The following LRRTM4 variants were observed in gnomAD, a reference collection of about 807,000 sequenced individuals.
LRRTM4 encodes leucine rich repeat transmembrane neuronal 4.
A neutral mutation model predicts 47.6 loss-of-function variants in LRRTM4; 25 were observed. The ratio of observed to expected loss-of-function variants is 0.53; its 90% CI spans 0.38 to 0.73. The LOEUF (loss-of-function observed/expected upper bound fraction) is 0.73. Among genes scored for constraint, LRRTM4 ranks in the 30% least tolerant of loss-of-function variants. The pLI is 0.00. For synonymous variants in LRRTM4, 311 were observed against 269.5 expected, an observed-to-expected ratio of 1.15 and a Z score of -1.51; for missense variants, 638 against 713.4, an observed-to-expected ratio of 0.89 and a Z score of 1.20.
At chr2:77,497,916 A>G (rs1370611452) in intron 3 of LRRTM4, among the ~76,000 whole-genome samples, 1 of 151,660 alleles carries the variant, frequency 6.6e-6, no homozygotes, top group Non-Finnish European at 1.5e-5. Flanking sequence ...AATGTCCTAT[A>G]CTATGTGATG....
intron 3 of LRRTM4, among the ~76,000 whole-genome samples, chr2:77,488,793 C>G (rs1678025883): frequency 6.6e-6 from 1 of 151,932 alleles, no homozygotes; most frequent in African/African-American, 2.4e-5. Context: ...TCTGGTACTA[C>G]AAAGAGTCTC....
chr2:77,078,344 T>A (rs933290968), intron 3 of LRRTM4, among the ~76,000 whole-genome samples: 1 of 150,758 alleles, frequency 6.6e-6, no homozygotes, highest in East Asian at 2.0e-4. Flanking sequence ...AAGATAATTT[T>A]ATTGAAAAAA....
chr2:77,407,473 G>A (rs1184441680), intron 3 of LRRTM4, among the ~76,000 whole-genome samples: 1 of 150,436 alleles, frequency 6.6e-6, no homozygotes, highest in African/African-American at 2.4e-5. Flanking sequence ...TGTTTAATTT[G>A]GGGCTTATTT....
rs187688293 is a variant in LRRTM4, at chr2:77,494,672, C to T, written c.1551+23646G>A. Among the ~76,000 whole-genome samples the T allele has an allele frequency of 4.1e-3, 628 of 152,006 alleles. 7 individuals are homozygous for T. The highest frequency in any genetic ancestry group is 0.014 in the African/African-American group (599 of 41,452). On this transcript the variant is annotated intron_variant, in intron 3 of 3. Coordinates refer to ENST00000409884, the MANE Select transcript of LRRTM4 (RefSeq NM_001134745.3). The stretch of plus-strand genomic sequence containing the variant: ...ATTATAATTGATGTAGAATATACTA[C>T]GCATTTTAAACAATATATAATTTAA...
intron 3 of LRRTM4, among the ~76,000 whole-genome samples, chr2:77,367,867 C>T (rs1254486467): frequency 6.6e-6 from 1 of 151,790 alleles, no homozygotes; most frequent in Non-Finnish European, 1.5e-5. Flanking sequence ...GATTCTGTAG[C>T]TGCACTGTTC....
In LRRTM4 at chr2:76,844,024, C is replaced by T. The variant is rs528244139; in HGVS notation, c.1552-95108G>A. Among the ~76,000 whole-genome samples, 9 of 151,540 alleles carry T rather than the reference C, an allele frequency of 5.9e-5. No individual in the cohort carries two copies. The East Asian group carries it at 1.8e-3, about 30-fold the overall frequency. On this transcript the variant is annotated intron_variant, in intron 3 of 3. Transcript: ENST00000409884. Reference sequence around the variant, plus strand: ...TCACACCATTCTCCTGCCTCAGCCTCCCGATTAGCTGGAACTACAGGCGCC... The same window carrying T: ...TCACACCATTCTCCTGCCTCAGCCTTCCGATTAGCTGGAACTACAGGCGCC...
chr2:76,946,166 G>A (rs539524162), intron 3 of LRRTM4, among the ~76,000 whole-genome samples: 2 of 152,022 alleles, frequency 1.3e-5, no homozygotes, highest in South Asian at 2.1e-4. Context: ...CTTCTGCAGA[G>A]TAAGTATTTC....
At chr2:76,963,195 C>G (rs1403874787) in intron 3 of LRRTM4, among the ~76,000 whole-genome samples, 3 of 150,630 alleles carry the variant, frequency 2.0e-5, no homozygotes, top group East Asian at 3.9e-4. Context: ...CCTGAAAGAG[C>G]AATGATTACT....
At position 77,286,480 on chromosome 2, in the gene LRRTM4, CTAAA is replaced by C. The variant is rs1182267644; in HGVS notation, c.1551+231834_1551+231837del. ...AACTAGCCTAGCTGATTAAAATATACTAAATGTTAACTAACATTTTGGCCTTTAA... is the reference window on the plus strand; with the variant it reads ...AACTAGCCTAGCTGATTAAAATATACTGTTAACTAACATTTTGGCCTTTAA... On this transcript the variant is annotated intron_variant, in intron 3 of 3. Transcript: ENST00000409884. Among the ~76,000 whole-genome samples, 4 of 151,606 alleles carry C rather than the reference CTAAA, an allele frequency of 2.6e-5. No homozygotes were observed. In the East Asian group the frequency reaches 7.7e-4, roughly 29 times the overall value.
chr2:77,316,383 T>C lies in LRRTM4; in HGVS notation c.1551+201935A>G, dbSNP rs577017302. Among the ~76,000 whole-genome samples, 10 of 152,336 alleles carry C rather than the reference T, an allele frequency of 6.6e-5. No individual in the cohort carries two copies. In the East Asian group the frequency reaches 1.4e-3, roughly 21 times the overall value. On this transcript the variant is annotated intron_variant, in intron 3 of 3. Coordinates refer to ENST00000409884, the MANE Select transcript of LRRTM4 (RefSeq NM_001134745.3). Reference sequence around the variant, plus strand: ...ATAAACACATTAAAAATGTTCTATGTCAACTGTAAAGTTTTTTAAGTAAAT... The same window carrying C: ...ATAAACACATTAAAAATGTTCTATGCCAACTGTAAAGTTTTTTAAGTAAAT...
intron 3 of LRRTM4, among the ~76,000 whole-genome samples, chr2:77,273,075 A>C (rs6706105): frequency 0.052 from 7,885 of 152,256 alleles, 634 homozygotes; most frequent in African/African-American, 0.18. Context: ...TAATGGGACC[A>C]CTTTAATCAA....
chr2:77,348,249 A>G (rs1040835695), intron 3 of LRRTM4, among the ~76,000 whole-genome samples: 5 of 151,950 alleles, frequency 3.3e-5, no homozygotes, highest in East Asian at 1.9e-4. Flanking sequence ...ACTAGACAAA[A>G]GTGGAAGAAA....
intron 3 of LRRTM4, among the ~76,000 whole-genome samples, chr2:77,409,384 G>A (rs1674335046): frequency 6.6e-6 from 1 of 152,152 alleles, no homozygotes; most frequent in Non-Finnish European, 1.5e-5. Context: ...GTCCTCACAT[G>A]GCAGAAATCA....
At chr2:76,795,170 C>T (rs1175329974) in intron 3 of LRRTM4, among the ~76,000 whole-genome samples, 2 of 151,666 alleles carry the variant, frequency 1.3e-5, no homozygotes, top group East Asian at 3.9e-4. Flanking sequence ...CAATGATCAG[C>T]AAACATAGAA....
chr2:77,147,160 T>C (rs1292546768), intron 3 of LRRTM4, among the ~76,000 whole-genome samples: 1 of 152,204 alleles, frequency 6.6e-6, no homozygotes, highest in Admixed American at 6.5e-5. Flanking sequence ...CTTAAAAGAA[T>C]GGTTTCAATG....
chr2:76,840,380 T>A (rs1328777398), intron 3 of LRRTM4, among the ~76,000 whole-genome samples: 1 of 152,246 alleles, frequency 6.6e-6, no homozygotes, highest in African/African-American at 2.4e-5. Flanking sequence ...AACAGAGCTG[T>A]TCTTTCCCTT....
chr2:77,113,879 G>C (rs1671317549), intron 3 of LRRTM4, among the ~76,000 whole-genome samples: 1 of 152,090 alleles, frequency 6.6e-6, no homozygotes, highest in South Asian at 2.1e-4. Context: ...GTTTGAAGAG[G>C]GAAGAATTAG....
At chr2:77,076,408 A>C (rs550371530) in intron 3 of LRRTM4, among the ~76,000 whole-genome samples, 5 of 130,532 alleles carry the variant, frequency 3.8e-5, no homozygotes, top group Non-Finnish European at 7.8e-5. Flanking sequence ...AAAAAATGGG[A>C]TAACAGTTTC....
intron 3 of LRRTM4, among the ~76,000 whole-genome samples, chr2:76,790,240 G>A (rs1052506374): frequency 1.3e-5 from 2 of 152,188 alleles, no homozygotes; most frequent in Non-Finnish European, 2.9e-5. Context: ...TAATGAGACA[G>A]TCATTGGTTC....
Sources: gnomAD v4.1 joint callset for allele counts (sites outside exome capture counted in the v4.1 genomes callset) on GRCh38, gnomAD v4.1.1 for gene constraint, MANE v1.5 for transcripts, NCBI Gene and HGNC (gene_info 2026-07-23, HGNC 2026-07-21) for gene names.